The following DOCK3 variants were observed in gnomAD, a reference collection of about 807,000 sequenced individuals.
DOCK3 encodes the protein dedicator of cytokinesis 3, also known as dedicator of cytokinesis protein 3.
DOCK3 carries 60 observed loss-of-function variants against 265.6 expected under a neutral mutation model. The ratio of observed to expected loss-of-function variants is 0.23; its 90% CI spans 0.18 to 0.28. The LOEUF (loss-of-function observed/expected upper bound fraction) is 0.28. Among genes scored for constraint, DOCK3 ranks in the 10% least tolerant of loss-of-function variants. The probability of loss-of-function intolerance (pLI) is 1.00; values close to 1 mark genes in which losing one functional copy is unlikely to be tolerated. For missense variants in DOCK3, 1,981 were observed against 2,594.3 expected, an observed-to-expected ratio of 0.76 and a Z score of 5.14; for synonymous variants, 881 against 938.0, an observed-to-expected ratio of 0.94 and a Z score of 1.11.
At chr3:51,241,540 G>A (rs752651211) in intron 21 of DOCK3, among the ~76,000 whole-genome samples, 6 of 152,116 alleles carry the variant, frequency 3.9e-5, no homozygotes, top group East Asian at 1.9e-4. Flanking sequence ...CATTCTCCCC[G>A]TCTATTTTAA....
intron 1 of DOCK3, among the ~76,000 whole-genome samples, chr3:50,697,347 T>C (rs2035695794): frequency 6.6e-6 from 1 of 151,798 alleles, no homozygotes; most frequent in South Asian, 2.1e-4. Context: ...CCCAGCATTT[T>C]GGGAGGCCGA....
At chr3:51,072,414 AT>A (rs969943840) in intron 6 of DOCK3, among the ~76,000 whole-genome samples, 25 of 148,076 alleles carry the variant, frequency 1.7e-4, no homozygotes, top group East Asian at 1.2e-3. Context: ...TTCTAATACA[AT>A]TTTTTTTTTT....
chr3:50,798,152 A>G (rs563468037), intron 2 of DOCK3, among the ~76,000 whole-genome samples: 2 of 152,354 alleles, frequency 1.3e-5, no homozygotes, highest in East Asian at 1.9e-4. Context: ...GAGGGGGGAA[A>G]TATATCAAGA....
intron 3 of DOCK3, among the ~76,000 whole-genome samples, chr3:50,864,175 G>A (rs1342851876): frequency 6.6e-6 from 1 of 152,064 alleles, no homozygotes; most frequent in Non-Finnish European, 1.5e-5. Flanking sequence ...ATATCTCATT[G>A]TAGTTTTTAT....
intron 3 of DOCK3, among the ~76,000 whole-genome samples, chr3:50,873,376 T>A (rs1396454654): frequency 6.6e-6 from 1 of 152,132 alleles, no homozygotes; most frequent in African/African-American, 2.4e-5. Flanking sequence ...CTCACGACTC[T>A]GAGCAGTGCC....
At chr3:50,921,721 C>T (rs2050479618) in intron 4 of DOCK3, among the ~76,000 whole-genome samples, 1 of 152,150 alleles carries the variant, frequency 6.6e-6, no homozygotes, top group Non-Finnish European at 1.5e-5. Flanking sequence ...TGGTGACATA[C>T]AGCTGGAGTT....
At chr3:51,156,395 A>T (rs186752290) in intron 10 of DOCK3, among the ~76,000 whole-genome samples, 1 of 152,318 alleles carries the variant, frequency 6.6e-6, no homozygotes, top group Admixed American at 6.5e-5. Flanking sequence ...TCAGGACTGA[A>T]ATCCTGCTCA....
chr3:51,324,825 C>G (rs981263941), intron 32 of DOCK3, among the ~76,000 whole-genome samples: 1 of 152,144 alleles, frequency 6.6e-6, no homozygotes, highest in Non-Finnish European at 1.5e-5. Flanking sequence ...GAAAGGATTC[C>G]CTATTTAATA....
rs151246363 is a variant in DOCK3 at position 50,856,655 on chromosome 3, C to T, written c.162+14940C>T. On this transcript the variant is annotated intron_variant, in intron 3 of 52. Coordinates refer to ENST00000266037, the MANE Select transcript of DOCK3 (RefSeq NM_004947.5). ...TGTCTGTTTATTCTGATGATAGTTT[C>T]TTTTGCTGTGATGGCCTTTTATTTC... Among the ~76,000 whole-genome samples the T allele has an allele frequency of 6.6e-5, 10 of 152,168 alleles. No homozygotes were observed. The East Asian group carries it at 1.9e-3, about 29-fold the overall frequency.
At chr3:50,818,341 T>C (rs1311180906) in intron 2 of DOCK3, among the ~76,000 whole-genome samples, 2 of 152,372 alleles carry the variant, frequency 1.3e-5, no homozygotes, top group Middle Eastern at 3.4e-3. Context: ...GAATTGACTC[T>C]TGTTGACTTC....
intron 5 of DOCK3, among the ~76,000 whole-genome samples, chr3:51,016,581 A>G (rs1262930402): frequency 1.1e-5 from 1 of 92,322 alleles, no homozygotes; most frequent in Non-Finnish European, 1.9e-5. Flanking sequence ...ATATTTATAT[A>G]TATCATATAT....
chr3:50,877,581 G>A (rs2047770612), intron 3 of DOCK3: 1 of 518,688 alleles, frequency 1.9e-6, no homozygotes, highest in African/African-American at 1.9e-5. Flanking sequence ...GATTCAGCTT[G>A]ATGGCATCTC....
chr3:50,745,129 G>A (rs2039340660), intron 1 of DOCK3, among the ~76,000 whole-genome samples: 1 of 151,776 alleles, frequency 6.6e-6, no homozygotes, highest in Non-Finnish European at 1.5e-5. Context: ...TTAGTTTTTT[G>A]AGACAGAGTC....
At chr3:51,342,933 C>G (rs1293403362) in intron 38 of DOCK3, among the ~76,000 whole-genome samples, 1 of 152,188 alleles carries the variant, frequency 6.6e-6, no homozygotes, top group African/African-American at 2.4e-5. Flanking sequence ...TGAGCCCCCT[C>G]ATGAGCTCAT....
intron 3 of DOCK3, among the ~76,000 whole-genome samples, chr3:50,878,615 A>G (rs978738757): frequency 7.9e-5 from 12 of 152,210 alleles, no homozygotes; most frequent in African/African-American, 2.4e-4. Flanking sequence ...CCTCCAAGAA[A>G]TATGGCACTA....
chr3:51,123,643 A>G (rs917740027), intron 9 of DOCK3, among the ~76,000 whole-genome samples: 1 of 152,204 alleles, frequency 6.6e-6, no homozygotes, highest in Non-Finnish European at 1.5e-5. Flanking sequence ...ATGAAAATGT[A>G]GCATTATGTG....
At chr3:50,961,959 AC>A (rs2076900467) in intron 5 of DOCK3, among the ~76,000 whole-genome samples, 1 of 151,966 alleles carries the variant, frequency 6.6e-6, no homozygotes, top group South Asian at 2.1e-4. Flanking sequence ...GTAGTACACA[AC>A]TACTAGAAGT....
chr3:50,738,160 G>A (rs999650380), intron 1 of DOCK3, among the ~76,000 whole-genome samples: 6 of 152,168 alleles, frequency 3.9e-5, no homozygotes, highest in African/African-American at 9.7e-5. Flanking sequence ...TTTGGTCAGC[G>A]GGTGGGTGTG....
In DOCK3 at chr3:50,863,570, A is replaced by G. The variant is rs1458495110; in HGVS notation, c.162+21855A>G. 18 of 365,746 alleles carry G rather than the reference A, an allele frequency of 4.9e-5. No homozygotes were observed. In the Admixed American group the frequency reaches 5.8e-4, roughly 12 times the overall value. 22.7% of individuals were successfully genotyped at this position (365,746 alleles called of 1,614,324 possible). Reference sequence around the variant, plus strand: ...CTCGATGCTTTCCTTTTTGCATCCCATGTCCTTCCCATGGCTACTGTGACA... The same window carrying G: ...CTCGATGCTTTCCTTTTTGCATCCCGTGTCCTTCCCATGGCTACTGTGACA... On this transcript the variant is annotated intron_variant, in intron 3 of 52. Transcript: ENST00000266037.
Sources: gnomAD v4.1 joint callset for allele counts (sites outside exome capture counted in the v4.1 genomes callset) on GRCh38, gnomAD v4.1.1 for gene constraint, MANE v1.5 for transcripts, NCBI Gene and HGNC (gene_info 2026-07-23, HGNC 2026-07-21) for gene names.